ARHGAP28: variants seen among roughly 807,000 people sequenced by gnomAD.
ARHGAP28 encodes the protein Rho GTPase activating protein 28.
A neutral mutation model predicts 90.7 loss-of-function variants in ARHGAP28; 56 were observed. The observed-to-expected ratio is 0.62, with a 90% CI of 0.50 to 0.77. The LOEUF (loss-of-function observed/expected upper bound fraction) is 0.77, where lower values mean the gene tolerates loss of function less well. Among genes scored for constraint, ARHGAP28 ranks in the 30% least tolerant of loss-of-function variants. The pLI is 0.00. For synonymous variants in ARHGAP28, 308 were observed against 323.3 expected (o/e 0.95, Z 0.51); for missense variants, 869 against 900.9 (o/e 0.96, Z 0.45).
chr18:6,885,021 G>A (rs1035088103), intron 11 of ARHGAP28, among the ~76,000 whole-genome samples: 4 of 152,126 alleles, frequency 2.6e-5, no homozygotes, highest in Admixed American at 2.0e-4. Context: ...GTATGACTTC[G>A]TAATTTTCAG....
chr18:6,787,184 C>T (rs1258090057), intron 1 of ARHGAP28, among the ~76,000 whole-genome samples: 2 of 140,194 alleles, frequency 1.4e-5, no homozygotes, highest in Non-Finnish European at 3.0e-5. Flanking sequence ...CGCGCCACTG[C>T]ACTCCAACCT....
At chr18:6,893,192 A>G (rs1197159990) in intron 14 of ARHGAP28, among the ~76,000 whole-genome samples, 3 of 152,162 alleles carry the variant, frequency 2.0e-5, no homozygotes, top group African/African-American at 7.2e-5. Flanking sequence ...TAGGCAAGGT[A>G]AAGGCAAGCC....
chr18:6,899,372 C>T (rs935270710), intron 16 of ARHGAP28, among the ~76,000 whole-genome samples: 7 of 152,282 alleles, frequency 4.6e-5, no homozygotes, highest in Middle Eastern at 3.4e-3. Flanking sequence ...TCACCTCCCA[C>T]GTATCCCAGA....
chr18:6,784,461 C>T (rs576372326), intron 1 of ARHGAP28, among the ~76,000 whole-genome samples: 13 of 152,236 alleles, frequency 8.5e-5, no homozygotes, highest in South Asian at 6.2e-4. Context: ...CTTCTCCTGC[C>T]CTGTCTCCAA....
rs561115749 is a variant in ARHGAP28 at position 6,780,582 on chromosome 18, G to C, written c.123-44180G>C. ...CCTGTATAACATTTAAGCAATGGAG[G>C]CTGAGAAAAAAAATCAGTCTCTTAG... On this transcript the variant is annotated intron_variant, in intron 1 of 17. Coordinates refer to ENST00000383472, the MANE Select transcript of ARHGAP28 (RefSeq NM_001366230.1). Among the ~76,000 whole-genome samples, 60 of 151,974 alleles carry C rather than the reference G, an allele frequency of 3.9e-4. 1 individual carries two copies. The highest frequency in any genetic ancestry group is 1.1e-3 in the African/African-American group (46 of 41,434).
chr18:6,822,375 T>C (rs2056632580), intron 1 of ARHGAP28, among the ~76,000 whole-genome samples: 1 of 152,186 alleles, frequency 6.6e-6, no homozygotes. Flanking sequence ...TGGTAACTGA[T>C]TTCAGTTTTA....
intron 2 of ARHGAP28, among the ~76,000 whole-genome samples, chr18:6,827,221 TGGTGGCCGGGC>T (rs2056672290): frequency 3.3e-5 from 5 of 151,942 alleles, no homozygotes; most frequent in Non-Finnish European, 4.4e-5. Flanking sequence ...CCAGACAGGG[TGGTGGCCGGGC>T]AGAGGGGCTC....
chr18:6,882,799 A>G (rs181833788), intron 11 of ARHGAP28, among the ~76,000 whole-genome samples: 5 of 152,388 alleles, frequency 3.3e-5, no homozygotes, highest in South Asian at 4.1e-4. Flanking sequence ...TCTGAAAATT[A>G]CAAAGTCACA....
intron 9 of ARHGAP28, chr18:6,874,579 A>C (rs902908654): frequency 7.9e-5 from 12 of 152,156 alleles, no homozygotes; most frequent in African/African-American, 2.4e-4. Context: ...TGAGTTTTTA[A>C]ATGATATTTT....
At chr18:6,760,978 A>G (rs148140341) in intron 1 of ARHGAP28, among the ~76,000 whole-genome samples, 6 of 152,350 alleles carry the variant, frequency 3.9e-5, no homozygotes, top group Middle Eastern at 3.4e-3. Context: ...TCGTGGTATT[A>G]TACTTAGGTC....
At chr18:6,880,483 A>G (rs1336376032) in intron 10 of ARHGAP28, among the ~76,000 whole-genome samples, 1 of 152,186 alleles carries the variant, frequency 6.6e-6, no homozygotes, top group Non-Finnish European at 1.5e-5. Flanking sequence ...GGCTGTCAGA[A>G]AAGACAAATC....
chr18:6,909,952 A>C (rs774391797), intron 17 of ARHGAP28, among the ~76,000 whole-genome samples: 19 of 151,956 alleles, frequency 1.3e-4, no homozygotes, highest in Non-Finnish European at 1.5e-5. Context: ...ACCTTTATAA[A>C]ATTATTTCTT....
intron 10 of ARHGAP28, 66 bp from the exon 11 acceptor site, chr18:6,882,071 C>T (rs1304115486): frequency 8.2e-6 from 12 of 1,466,536 alleles, no homozygotes; most frequent in East Asian, 2.3e-5. Flanking sequence ...GAACAGTTTT[C>T]GAAGGGGAAA....
intron 6 of ARHGAP28, 29 bp from the exon 7 acceptor site, chr18:6,870,561 A>AT (rs1304823083): frequency 1.3e-6 from 2 of 1,571,856 alleles, no homozygotes; most frequent in East Asian, 4.5e-5. Context: ...AGCATATTAA[A>AT]TAGTCTGTAT....
chr18:6,808,523 T>A (rs920740981), intron 1 of ARHGAP28, among the ~76,000 whole-genome samples: 1 of 152,210 alleles, frequency 6.6e-6, no homozygotes, highest in African/African-American at 2.4e-5. Flanking sequence ...TAGATTTTGT[T>A]GTATTTCCTT....
chr18:6,808,856 A>G lies in ARHGAP28; in HGVS notation c.123-15906A>G, dbSNP rs560635127. On this transcript the variant is annotated intron_variant, in intron 1 of 17. Coordinates refer to ENST00000383472, the MANE Select transcript of ARHGAP28 (RefSeq NM_001366230.1). ...ATTATAGCTCCGTGGTTCTTTGTGTAGAAGTTAATTTTTGCCTGATCTTGA... is the reference window on the plus strand; with the variant it reads ...ATTATAGCTCCGTGGTTCTTTGTGTGGAAGTTAATTTTTGCCTGATCTTGA... Among the ~76,000 whole-genome samples, 3 of 152,342 alleles carry G rather than the reference A, an allele frequency of 2.0e-5. No homozygotes were observed. The East Asian group carries it at 5.8e-4, about 29-fold the overall frequency.
chr18:6,837,892 G>A (rs1221724425), intron 3 of ARHGAP28, among the ~76,000 whole-genome samples: 1 of 152,102 alleles, frequency 6.6e-6, no homozygotes, highest in African/African-American at 2.4e-5. Context: ...TTAATTAAGT[G>A]GGCAAGAGAA....
chr18:6,903,326 T>C (rs1251841175), intron 16 of ARHGAP28, among the ~76,000 whole-genome samples: 2 of 152,224 alleles, frequency 1.3e-5, no homozygotes, highest in Non-Finnish European at 2.9e-5. Flanking sequence ...TTTACCATGA[T>C]AGAAATATAA....
In ARHGAP28 at chr18:6,808,790, A is replaced by C. The variant is rs77294250; in HGVS notation, c.123-15972A>C. Among the ~76,000 whole-genome samples the C allele has an allele frequency of 9.7e-3, 1,474 of 152,324 alleles. 18 individuals are homozygous for C. Among genetic ancestry groups the C allele is most frequent in the African/African-American group, 0.033 (1,367 of 41,564 alleles). The stretch of plus-strand genomic sequence containing the variant: ...ATTTTTAGTATACACACCAGTGTAC[A>C]TACATTTTCCTAGCTCTGTATGAGC... On this transcript the variant is annotated intron_variant, in intron 1 of 17. Transcript: ENST00000383472.
Sources: allele counts gnomAD v4.1 joint callset (sites outside exome capture counted in the v4.1 genomes callset), GRCh38; gene constraint gnomAD v4.1.1; transcripts MANE v1.5; gene names NCBI Gene and HGNC (gene_info 2026-07-23, HGNC 2026-07-21).